Variants in LRRC4C observed in about 807,000 individuals in gnomAD.
LRRC4C encodes the protein leucine-rich repeat-containing protein 4C.
Under a neutral mutation model 33.6 loss-of-function variants are expected in LRRC4C, and 5 were observed. The observed-to-expected ratio is 0.15, with a 90% CI of 0.08 to 0.31. The LOEUF is 0.31. Among genes scored for constraint, LRRC4C ranks in the 10% least tolerant of loss-of-function variants. LRRC4C has a pLI of 1.00. For missense variants in LRRC4C, 560 were observed against 796.7 expected, an observed-to-expected ratio of 0.70 and a Z score of 3.58; for synonymous variants, 329 against 302.0, an observed-to-expected ratio of 1.09 and a Z score of -0.93.
At chr11:40,671,351 T>C (rs1295451904) in intron 2 of LRRC4C, among the ~76,000 whole-genome samples, 1 of 152,192 alleles carries the variant, frequency 6.6e-6, no homozygotes, top group African/African-American at 2.4e-5. Context: ...AAAGATCCAC[T>C]GATACGGAGG....
At chr11:41,223,713 T>A (rs1947406510) in intron 1 of LRRC4C, among the ~76,000 whole-genome samples, 1 of 152,220 alleles carries the variant, frequency 6.6e-6, no homozygotes, top group Non-Finnish European at 1.5e-5. Context: ...AGATGGCAGA[T>A]TAAGCCATGT....
intron 6 of LRRC4C, among the ~76,000 whole-genome samples, chr11:40,137,223 T>C (rs1016324860): frequency 7.9e-5 from 12 of 152,064 alleles, no homozygotes; most frequent in African/African-American, 2.9e-4. Flanking sequence ...CTTTTACCAG[T>C]AATCTTGTCC....
At chr11:41,443,120 A>G (rs1001952) in intron 1 of LRRC4C, among the ~76,000 whole-genome samples, 31,640 of 124,482 alleles carry the variant, frequency 0.25, 4,592 homozygotes, top group Middle Eastern at 0.46. Flanking sequence ...GCTTCAACAT[A>G]GGTGCAAATC....
chr11:41,080,947 T>C (rs1204295425), intron 1 of LRRC4C, among the ~76,000 whole-genome samples: 1 of 152,212 alleles, frequency 6.6e-6, no homozygotes, highest in Non-Finnish European at 1.5e-5. Context: ...TAATAATTCA[T>C]TGCTTACAAT....
At chr11:40,654,037 T>C (rs1363423863) in intron 2 of LRRC4C, among the ~76,000 whole-genome samples, 3 of 152,160 alleles carry the variant, frequency 2.0e-5, no homozygotes, top group African/African-American at 7.2e-5. Flanking sequence ...CACAGAAGAA[T>C]TGAGGTTGGG....
intron 2 of LRRC4C, among the ~76,000 whole-genome samples, chr11:40,883,537 C>T (rs1196216892): frequency 6.6e-6 from 1 of 151,970 alleles, no homozygotes; most frequent in East Asian, 1.9e-4. Flanking sequence ...CATTCAAACA[C>T]CAAATCAGTT....
intron 1 of LRRC4C, among the ~76,000 whole-genome samples, chr11:40,956,015 C>T (rs575271860): frequency 2.0e-5 from 3 of 151,884 alleles, no homozygotes; most frequent in Non-Finnish European, 4.4e-5. Context: ...GCCCTTAAGC[C>T]AACCAGTCTT....
intron 1 of LRRC4C, among the ~76,000 whole-genome samples, chr11:41,416,904 C>T (rs532057158): frequency 2.0e-5 from 3 of 152,032 alleles, no homozygotes; most frequent in South Asian, 2.1e-4. Context: ...TCTCTTGTGG[C>T]GTGGCAACTG....
intron 1 of LRRC4C, among the ~76,000 whole-genome samples, chr11:41,318,909 C>G (rs917130149): frequency 7.9e-5 from 12 of 152,220 alleles, no homozygotes; most frequent in African/African-American, 2.9e-4. Flanking sequence ...TTTTTTCACA[C>G]TACCTTAATT....
At chr11:40,227,058 T>C (rs542301079) in intron 5 of LRRC4C, among the ~76,000 whole-genome samples, 7 of 152,262 alleles carry the variant, frequency 4.6e-5, no homozygotes, top group African/African-American at 1.7e-4. Flanking sequence ...GAATATGATA[T>C]TAACTTTGAA....
intron 3 of LRRC4C, among the ~76,000 whole-genome samples, chr11:40,442,759 C>T (rs17392289): frequency 0.063 from 9,528 of 152,258 alleles, 401 homozygotes; most frequent in Non-Finnish European, 0.087. Context: ...ATTCCAGTAT[C>T]TGTTCCACTG....
intron 5 of LRRC4C, among the ~76,000 whole-genome samples, chr11:40,197,353 A>C (rs1405150066): frequency 2.6e-5 from 4 of 152,168 alleles, no homozygotes; most frequent in African/African-American, 9.6e-5. Context: ...ACAGGTTCAC[A>C]CAAACATGTG....
At chr11:40,402,077 C>A (rs1949781166) in intron 3 of LRRC4C, among the ~76,000 whole-genome samples, 2 of 152,044 alleles carry the variant, frequency 1.3e-5, no homozygotes, top group South Asian at 4.1e-4. Flanking sequence ...ACAGGACTTA[C>A]ACTCATTTTC....
chr11:40,700,020 T>C (rs1945787600), intron 2 of LRRC4C, among the ~76,000 whole-genome samples: 1 of 152,184 alleles, frequency 6.6e-6, no homozygotes, highest in Non-Finnish European at 1.5e-5. Context: ...GTCTTTCCTA[T>C]TGGGTGCCCT....
intron 3 of LRRC4C, among the ~76,000 whole-genome samples, chr11:40,490,534 A>G (rs1004055165): frequency 2.6e-5 from 4 of 152,134 alleles, no homozygotes; most frequent in African/African-American, 9.7e-5. Context: ...GGGAAAAAAA[A>G]GACATTCAAT....
At chr11:40,943,047 A>G (rs750135576) in intron 1 of LRRC4C, among the ~76,000 whole-genome samples, 3 of 151,958 alleles carry the variant, frequency 2.0e-5, no homozygotes, top group Non-Finnish European at 4.4e-5. Context: ...GCCCACATGT[A>G]TGACTACAGG....
chr11:40,456,010 C>T (rs986739458), intron 3 of LRRC4C, among the ~76,000 whole-genome samples: 1 of 152,110 alleles, frequency 6.6e-6, no homozygotes, highest in African/African-American at 2.4e-5. Flanking sequence ...CAATACCTAA[C>T]TAGAAACTCT....
chr11:40,510,203 A>G (rs1955242988), intron 3 of LRRC4C, among the ~76,000 whole-genome samples: 2 of 148,278 alleles, frequency 1.3e-5, no homozygotes, highest in African/African-American at 4.9e-5. Flanking sequence ...GTATATATCT[A>G]TATGTATTTA....
intron 1 of LRRC4C, among the ~76,000 whole-genome samples, chr11:40,936,699 A>G (rs1477860951): frequency 1.3e-5 from 2 of 152,138 alleles, no homozygotes; most frequent in Non-Finnish European, 2.9e-5. Flanking sequence ...AACATCATGT[A>G]TTATTTTATT....
Sources: allele counts gnomAD v4.1 joint callset (sites outside exome capture counted in the v4.1 genomes callset), GRCh38; gene constraint gnomAD v4.1.1; transcripts MANE v1.5; gene names NCBI Gene and HGNC (gene_info 2026-07-23, HGNC 2026-07-21).